Variants in SHANK2 observed in about 807,000 individuals in gnomAD.
SHANK2 encodes the protein SH3 and multiple ankyrin repeat domains protein 2.
SHANK2 carries 43 observed loss-of-function variants against 133.7 expected under a neutral mutation model. That is an observed-to-expected ratio of 0.32 (90% CI 0.25 to 0.41). The LOEUF (loss-of-function observed/expected upper bound fraction) is 0.41. Ranked by LOEUF, SHANK2 falls within the 10% of genes least tolerant of loss-of-function variation. The probability of loss-of-function intolerance (pLI) is 1.00; values close to 1 mark genes in which losing one functional copy is unlikely to be tolerated. For missense variants in SHANK2, 1,994 were observed against 2,235.8 expected (o/e 0.89, Z 2.18); for synonymous variants, 1,017 against 952.8 (o/e 1.07, Z -1.24).
intron 6 of SHANK2, among the ~76,000 whole-genome samples, chr11:71,108,124 G>A (rs1217941666): frequency 1.3e-5 from 2 of 152,200 alleles, no homozygotes; most frequent in African/African-American, 2.4e-5. Flanking sequence ...TGTGCCCCAA[G>A]GCTCAAGGTC....
intron 17 of SHANK2, among the ~76,000 whole-genome samples, chr11:70,509,889 C>G (rs2059180467): frequency 6.6e-6 from 1 of 152,220 alleles, no homozygotes; most frequent in South Asian, 2.1e-4. Flanking sequence ...GTCTCCCGAG[C>G]TGGGAGAAAT....
chr11:70,661,746 C>T, intron 15 of SHANK2, 68 bp from the exon 16 acceptor site: 8 of 1,614,122 alleles, frequency 5.0e-6, no homozygotes, highest in Non-Finnish European at 6.8e-6. Context: ...GCCGCTCCTC[C>T]GCCGGGGACG....
chr11:70,642,311 C>T (rs926556771), intron 17 of SHANK2, among the ~76,000 whole-genome samples: 5 of 124,822 alleles, frequency 4.0e-5, no homozygotes, highest in Middle Eastern at 6.9e-3. Context: ...ATTTTCCGTT[C>T]GATTCAAATT....
intron 9 of SHANK2, among the ~76,000 whole-genome samples, chr11:71,058,890 C>T (rs997258168): frequency 3.3e-5 from 5 of 152,364 alleles, no homozygotes; most frequent in Admixed American, 6.5e-5. Flanking sequence ...ACTGCACAGG[C>T]GGTGGGACCT....
intron 8 of SHANK2, among the ~76,000 whole-genome samples, chr11:71,085,720 TTATATAAAATATAATATATTATA>T (rs1951385006): frequency 1.5e-5 from 1 of 65,548 alleles, no homozygotes; most frequent in Non-Finnish European, 2.6e-5. Context: ...ATATATTATA[TTATATAAAATATAATATATTATA>T]TAATATATTA....
intron 9 of SHANK2, among the ~76,000 whole-genome samples, chr11:71,062,262 CT>C (rs1950997181): frequency 6.6e-6 from 1 of 152,068 alleles, no homozygotes; most frequent in Non-Finnish European, 1.5e-5. Flanking sequence ...AGCCCAAGGT[CT>C]TTATCAAAAT....
chr11:71,169,122 T>C lies in SHANK2; in HGVS notation c.-12-21784A>G, dbSNP rs530138322. ...GATGGAAGGGGAAAGCTTTATGGGG[T>C]GAACACAGACGCAAGGCAAAGGAGA... On this transcript the variant is annotated intron_variant, in intron 2 of 25. Coordinates refer to ENST00000601538, the MANE Select transcript of SHANK2 (RefSeq NM_012309.5). Among the ~76,000 whole-genome samples, 31 of 152,204 alleles carry C rather than the reference T, an allele frequency of 2.0e-4. No homozygotes were observed. In the East Asian group the frequency reaches 5.0e-3, roughly 25 times the overall value.
chr11:70,933,041 G>A (rs560607792), intron 10 of SHANK2: 83 of 434,202 alleles, frequency 1.9e-4, no homozygotes, highest in African/African-American at 1.6e-3. Context: ...TCAACCCAGA[G>A]ACTCCAACAG....
At chr11:71,241,237 A>G (rs975401987) in intron 1 of SHANK2, among the ~76,000 whole-genome samples, 1 of 152,212 alleles carries the variant, frequency 6.6e-6, no homozygotes, top group Non-Finnish European at 1.5e-5. Flanking sequence ...CCTGAAAACA[A>G]CCCAAATGTC....
intron 15 of SHANK2, among the ~76,000 whole-genome samples, chr11:70,690,486 ATGTTTTT>A (rs1945258599): frequency 2.1e-4 from 8 of 38,782 alleles, no homozygotes; most frequent in African/African-American, 6.9e-4. Context: ...AATACTTCCC[ATGTTTTT>A]TTTTTTTTTT....
At chr11:70,625,815 A>G (rs1402972801) in intron 17 of SHANK2, among the ~76,000 whole-genome samples, 3 of 103,630 alleles carry the variant, frequency 2.9e-5, no homozygotes, top group African/African-American at 1.0e-4. Context: ...AAAATGAAAA[A>G]AAAAAAAAAA....
intron 6 of SHANK2, among the ~76,000 whole-genome samples, chr11:71,109,377 G>T (rs1383582834): frequency 6.6e-6 from 1 of 152,188 alleles, no homozygotes; most frequent in Non-Finnish European, 1.5e-5. Context: ...GAGTGGAGGC[G>T]GGTACTGCCA....
At chr11:70,606,611 A>C (rs1287286345) in intron 17 of SHANK2, among the ~76,000 whole-genome samples, 5 of 151,026 alleles carry the variant, frequency 3.3e-5, no homozygotes, top group Admixed American at 2.6e-4. Flanking sequence ...TGGGGGGCCA[A>C]GTCCTGCAGT....
At chr11:70,565,363 A>C (rs2059955905) in intron 17 of SHANK2, among the ~76,000 whole-genome samples, 2 of 152,200 alleles carry the variant, frequency 1.3e-5, no homozygotes, top group Non-Finnish European at 2.9e-5. Flanking sequence ...TTCCTGCCTC[A>C]GCCTCCCGAA....
At chr11:71,130,250 C>G (rs1381376152) in intron 3 of SHANK2, among the ~76,000 whole-genome samples, 1 of 152,168 alleles carries the variant, frequency 6.6e-6, no homozygotes, top group African/African-American at 2.4e-5. Flanking sequence ...TGCAACCTAC[C>G]AAGGGCCACC....
chr11:70,947,279 A>G (rs1555085659), intron 10 of SHANK2, among the ~76,000 whole-genome samples: 1 of 152,132 alleles, frequency 6.6e-6, no homozygotes, highest in East Asian at 1.9e-4. Context: ...ATCAACTTCC[A>G]GAACATTGTG....
chr11:71,163,093 A>AAAACATATATATATATATATAT lies in SHANK2; in HGVS notation c.-12-15756_-12-15755insATATATATATATATATATGTTT. On this transcript the variant is annotated intron_variant, in intron 2 of 25. Transcript: ENST00000601538. ...GTCTAAAAAAAAAAAAAAAAAAAAA[A>AAAACATATATATATATATATAT]ATACATATATATATATATACAGAAT... 5.4e-4 allele frequency among the ~76,000 whole-genome samples: 46 copies of AAAACATATATATATATATATAT among 84,702 alleles called. 5 individuals are homozygous for AAAACATATATATATATATATAT. Among genetic ancestry groups the AAAACATATATATATATATATAT allele is most frequent in the African/African-American group, 1.1e-3 (25 of 21,786 alleles). The allele number at this position is 84,702 out of a possible 152,430, so 55.6% of individuals were successfully genotyped here.
chr11:71,209,610 A>G (rs1591022499), intron 2 of SHANK2, among the ~76,000 whole-genome samples: 1 of 152,222 alleles, frequency 6.6e-6, no homozygotes, highest in African/African-American at 2.4e-5. Flanking sequence ...GGAGAGCTGC[A>G]AAGCCAGGCA....
Position 70,596,745 on chromosome 11 carries a change from C to T in SHANK2, c.2061+63083G>A, listed in dbSNP as rs576013675. ...CTAGACCACAACAGTCCACTCTCTC[C>T]GGGGTCACGGGCACTTTGGTGGGGT... On this transcript the variant is annotated intron_variant, in intron 17 of 25. Transcript: ENST00000601538. 2.9e-4 allele frequency among the ~76,000 whole-genome samples: 44 copies of T among 152,266 alleles called. No homozygotes were observed. The South Asian group carries it at 7.5e-3, about 26-fold the overall frequency.
Sources: gnomAD v4.1 joint callset for allele counts (sites outside exome capture counted in the v4.1 genomes callset) on GRCh38, gnomAD v4.1.1 for gene constraint, MANE v1.5 for transcripts, NCBI Gene and HGNC (gene_info 2026-07-23, HGNC 2026-07-21) for gene names.